Variants in OPHN1 observed in about 807,000 individuals in gnomAD.
The protein encoded by OPHN1 is oligophrenin 1.
In OPHN1, 11 loss-of-function variants were observed where a neutral mutation model predicts 60.7. The ratio of observed to expected loss-of-function variants is 0.18; its 90% CI spans 0.11 to 0.30. The LOEUF is 0.30. Ranked by LOEUF, OPHN1 falls within the 10% of genes least tolerant of loss-of-function variation. The probability of loss-of-function intolerance (pLI) is 1.00; values close to 1 mark genes in which losing one functional copy is unlikely to be tolerated. For missense variants in OPHN1, 449 were observed against 611.0 expected (o/e 0.73, Z 2.80); for synonymous variants, 226 against 222.6 (o/e 1.02, Z -0.14).
intron 15 of OPHN1, among the ~76,000 whole-genome samples, chrX:68,137,935 T>C (rs1602183524): frequency 8.9e-6 from 1 of 111,898 alleles, no homozygotes; most frequent in Middle Eastern, 4.7e-3. Context: ...CAATATTATT[T>C]TTTTTCACAG....
chrX:68,351,308 AAAG>A (rs764848713), intron 2 of OPHN1, among the ~76,000 whole-genome samples: 12 of 111,391 alleles, frequency 1.1e-4, no homozygotes, highest in Admixed American at 7.7e-4. Context: ...AGAAAAAAGC[AAAG>A]AAGTCAGTAA....
At chrX:68,330,917 T>TACATATTAATATATTTAAATATATA (rs2147675301) in intron 2 of OPHN1, among the ~76,000 whole-genome samples, 1 of 106,234 alleles carries the variant, frequency 9.4e-6, no homozygotes, top group East Asian at 2.8e-4. Context: ...TTAAATATAT[T>TACATATTAATATATTTAAATATATA]ACATATTAAT....
intron 4 of OPHN1, among the ~76,000 whole-genome samples, chrX:68,276,476 T>C (rs995000306): frequency 9.0e-6 from 1 of 111,502 alleles, no homozygotes; most frequent in African/African-American, 3.3e-5. Context: ...CTAACAATTA[T>C]GGTATCAAAA....
chrX:68,425,839 T>TTTA (rs2078852365), intron 2 of OPHN1, among the ~76,000 whole-genome samples: 2 of 93,727 alleles, frequency 2.1e-5, no homozygotes, highest in Admixed American at 1.2e-4. Context: ...TTTTTTTTTT[T>TTTA]AGAGAGGGAG....
intron 7 of OPHN1, 48 bp downstream of exon 7, chrX:68,213,814 G>A: frequency 1.4e-6 from 1 of 727,244 alleles, no homozygotes; most frequent in Non-Finnish European, 2.1e-6. Flanking sequence ...ACATTTACCA[G>A]GCATTTGATA....
intron 2 of OPHN1, among the ~76,000 whole-genome samples, chrX:68,404,110 G>A (rs537689614): frequency 1.8e-5 from 2 of 110,059 alleles, no homozygotes; most frequent in East Asian, 2.9e-4. Flanking sequence ...GAATTGGTAT[G>A]GGATGCCAAA....
At chrX:68,077,680 C>T in intron 19 of OPHN1, among the ~76,000 whole-genome samples, 1 of 112,219 alleles carries the variant, frequency 8.9e-6, no homozygotes, top group Middle Eastern at 4.7e-3. Context: ...AAATTGTTAA[C>T]AATCACAATC....
intron 2 of OPHN1, among the ~76,000 whole-genome samples, chrX:68,371,233 T>C (rs1460614528): frequency 2.8e-5 from 3 of 108,425 alleles, no homozygotes; most frequent in Non-Finnish European, 5.7e-5. Context: ...TTTTTTTTTT[T>C]CCAAAAAAAG....
At chrX:68,332,438 T>C (rs1669287486) in intron 2 of OPHN1, among the ~76,000 whole-genome samples, 1 of 111,862 alleles carries the variant, frequency 8.9e-6, no homozygotes, top group Non-Finnish European at 1.9e-5. Flanking sequence ...GTGATGACTT[T>C]TGGGAGAATT....
chrX:68,187,411 C>A (rs1358524666), intron 15 of OPHN1, among the ~76,000 whole-genome samples: 1 of 108,021 alleles, frequency 9.3e-6, no homozygotes, highest in Non-Finnish European at 1.9e-5. Context: ...AGAGTGATGG[C>A]AGCATGAGAG....
chrX:68,075,469 T>C (rs891108415), intron 19 of OPHN1, among the ~76,000 whole-genome samples: 1 of 111,938 alleles, frequency 8.9e-6, no homozygotes, highest in Admixed American at 9.5e-5. Flanking sequence ...TAAGCTTGTA[T>C]GTAGACATTG....
chrX:68,197,100 A>G, intron 12 of OPHN1, 86 bp downstream of exon 12: 1 of 665,046 alleles, frequency 1.5e-6, no homozygotes, highest in Non-Finnish European at 2.5e-6. Context: ...ATTACCATTT[A>G]ATTGTCTGAG....
chrX:68,252,521 G>C (rs767580498), intron 5 of OPHN1, among the ~76,000 whole-genome samples: 1 of 111,669 alleles, frequency 9.0e-6, no homozygotes, highest in South Asian at 3.7e-4. Context: ...TTATTTTCCT[G>C]CCTCAGTTTC....
rs956814552 is a variant in OPHN1, at chrX:68,203,420, C to T, written c.934-1710G>A. On this transcript the variant is annotated intron_variant, in intron 10 of 24. Coordinates refer to ENST00000355520, the MANE Select transcript of OPHN1 (RefSeq NM_002547.3). ...GGCCCACGTGGCTCATTACCCAATA[C>T]TTCTTGCTCATCAGCATACTCAGCC... is the stretch of plus-strand genomic sequence containing the variant. 4.5e-5 allele frequency among the ~76,000 whole-genome samples: 5 copies of T among 111,580 alleles called. No homozygotes were observed. In the Admixed American group the frequency reaches 4.8e-4, roughly 11 times the overall value.
intron 5 of OPHN1, among the ~76,000 whole-genome samples, chrX:68,254,877 G>A (rs2077853970): frequency 9.1e-6 from 1 of 109,442 alleles, no homozygotes; most frequent in Non-Finnish European, 1.9e-5. Context: ...AATTAGCCAG[G>A]CGTGGTGGCA....
At chrX:68,072,364 G>T (rs981370227) in intron 20 of OPHN1, among the ~76,000 whole-genome samples, 4 of 111,983 alleles carry the variant, frequency 3.6e-5, no homozygotes, top group Non-Finnish European at 7.5e-5. Context: ...CATGATCAGA[G>T]AACAGGACTA....
chrX:68,217,430 G>T (rs1442629867), intron 6 of OPHN1, among the ~76,000 whole-genome samples: 1 of 112,178 alleles, frequency 8.9e-6, no homozygotes, highest in Non-Finnish European at 1.9e-5. Context: ...GCCCACCACA[G>T]CTCAAGGAGG....
intron 15 of OPHN1, among the ~76,000 whole-genome samples, chrX:68,181,699 G>A (rs1455971882): frequency 1.8e-5 from 2 of 111,434 alleles, no homozygotes; most frequent in Non-Finnish European, 3.8e-5. Context: ...ATGGGGCCAG[G>A]TGCCCATAAT....
At chrX:68,393,880 A>G (rs2078666592) in intron 2 of OPHN1, among the ~76,000 whole-genome samples, 1 of 35,282 alleles carries the variant, frequency 2.8e-5, no homozygotes, top group Non-Finnish European at 8.3e-5. Context: ...GATCCAATAG[A>G]CTTTGTTTTT....
Sources: gnomAD v4.1 joint callset for allele counts (sites outside exome capture counted in the v4.1 genomes callset) on GRCh38, gnomAD v4.1.1 for gene constraint, MANE v1.5 for transcripts, NCBI Gene and HGNC (gene_info 2026-07-23, HGNC 2026-07-21) for gene names.